FOXP1: variants seen among roughly 807,000 people sequenced by gnomAD.
FOXP1 encodes the protein forkhead box protein P1.
FOXP1 carries 15 observed loss-of-function variants against 98.2 expected under a neutral mutation model. That is an observed-to-expected ratio of 0.15 (90% CI 0.10 to 0.24). The LOEUF is 0.24. FOXP1 is among the 10% of genes least tolerant of loss of function. FOXP1 has a pLI of 1.00. For synonymous variants in FOXP1, 371 were observed against 314.5 expected, an observed-to-expected ratio of 1.18 and a Z score of -1.90; for missense variants, 633 against 848.5, an observed-to-expected ratio of 0.75 and a Z score of 3.15.
rs73117199 is a variant in FOXP1 at position 71,377,788 on chromosome 3, G to A, written c.-167-18544C>T. On this transcript the variant is annotated intron_variant, in intron 3 of 20. Coordinates refer to ENST00000649528, the MANE Select transcript of FOXP1 (RefSeq NM_001349338.3). ...AGAACATCTTTTGAGCTGGTAACAC[G>A]AAGACATTATTTTTCACGTTACATT... 3.8e-3 allele frequency among the ~76,000 whole-genome samples: 579 copies of A among 152,208 alleles called. 2 individuals carry two copies. The highest frequency in any genetic ancestry group is 5.4e-3 in the Non-Finnish European group (368 of 68,014).
At chr3:71,272,988 T>G (rs2070528861) in intron 5 of FOXP1, among the ~76,000 whole-genome samples, 1 of 152,166 alleles carries the variant, frequency 6.6e-6, no homozygotes, top group Non-Finnish European at 1.5e-5. Context: ...CAGTAGAGCC[T>G]CCTAACTTCT....
chr3:70,965,760 C>A, intron 20 of FOXP1, 130 bp downstream of exon 20: 2 of 962,604 alleles, frequency 2.1e-6, no homozygotes, highest in South Asian at 2.7e-5. Flanking sequence ...GTACAAACTT[C>A]TAGCTTGGTT....
intron 7 of FOXP1, among the ~76,000 whole-genome samples, chr3:71,096,928 A>G (rs77290856): frequency 1.3e-5 from 2 of 152,170 alleles, no homozygotes; most frequent in South Asian, 2.1e-4. Context: ...ATAGATTTCA[A>G]ACTAACACAA....
intron 2 of FOXP1, among the ~76,000 whole-genome samples, chr3:71,530,080 G>C (rs1204229426): frequency 6.6e-6 from 1 of 152,164 alleles, no homozygotes; most frequent in Non-Finnish European, 1.5e-5. Flanking sequence ...GAACTGAATT[G>C]AATGACAGGA....
At chr3:70,988,438 C>A (rs2040105192) in intron 13 of FOXP1, among the ~76,000 whole-genome samples, 1 of 152,206 alleles carries the variant, frequency 6.6e-6, no homozygotes, top group East Asian at 1.9e-4. Context: ...CCCATAAATT[C>A]ATCTGTTGTG....
chr3:71,199,842 C>T (rs1209778779), intron 5 of FOXP1, among the ~76,000 whole-genome samples: 3 of 151,598 alleles, frequency 2.0e-5, no homozygotes, highest in African/African-American at 4.8e-5. Context: ...CTTTGGGAGG[C>T]CGAGGCGGGT....
intron 2 of FOXP1, among the ~76,000 whole-genome samples, chr3:71,518,019 C>T (rs1258349327): frequency 6.6e-6 from 1 of 152,182 alleles, no homozygotes; most frequent in Non-Finnish European, 1.5e-5. Flanking sequence ...TCCAATGGAA[C>T]ATTAGAGTAA....
At chr3:71,143,134 G>A (rs1480369508) in intron 6 of FOXP1, among the ~76,000 whole-genome samples, 2 of 152,266 alleles carry the variant, frequency 1.3e-5, no homozygotes, top group East Asian at 3.9e-4. Context: ...AACACTAAGT[G>A]AAAACAGTTT....
At chr3:71,476,918 G>A (rs1436627901) in intron 3 of FOXP1, among the ~76,000 whole-genome samples, 1 of 152,140 alleles carries the variant, frequency 6.6e-6, no homozygotes, top group East Asian at 1.9e-4. Flanking sequence ...AGAACCTTAA[G>A]CTTTAATAAT....
intron 5 of FOXP1, among the ~76,000 whole-genome samples, chr3:71,224,233 T>A (rs73839453): frequency 0.014 from 2,074 of 152,236 alleles, 40 homozygotes; most frequent in African/African-American, 0.047. Context: ...GATGAGCCCA[T>A]GAGGGATTGC....
chr3:71,311,274 G>A (rs1221231137), intron 4 of FOXP1, among the ~76,000 whole-genome samples: 1 of 152,088 alleles, frequency 6.6e-6, no homozygotes, highest in African/African-American at 2.4e-5. Flanking sequence ...ATTTTTTGTA[G>A]GGACAAGGTC....
At chr3:71,265,768 A>AT (rs2069583191) in intron 5 of FOXP1, among the ~76,000 whole-genome samples, 2 of 152,198 alleles carry the variant, frequency 1.3e-5, no homozygotes, top group Non-Finnish European at 2.9e-5. Context: ...AAAAGAACTG[A>AT]TAAGAGTATG....
intron 11 of FOXP1, among the ~76,000 whole-genome samples, chr3:71,037,820 A>C (rs889891887): frequency 2.6e-5 from 4 of 152,200 alleles, no homozygotes; most frequent in Admixed American, 2.6e-4. Flanking sequence ...CGCCTCACAA[A>C]TCACATGGGC....
intron 2 of FOXP1, chr3:71,541,912 C>T (rs1008384045): frequency 4.0e-6 from 2 of 500,390 alleles, no homozygotes; most frequent in South Asian, 3.0e-5. Context: ...AGTCAACACT[C>T]GAGGTTTGAC....
chr3:71,576,193 C>T lies in FOXP1; in HGVS notation c.-298+5356G>A, dbSNP rs555587936. 1.9e-4 allele frequency among the ~76,000 whole-genome samples: 29 copies of T among 152,230 alleles called. No individual in the cohort carries two copies. The South Asian group carries it at 6.0e-3, about 32-fold the overall frequency. On this transcript the variant is annotated intron_variant, in intron 2 of 20. Coordinates refer to ENST00000649528, the MANE Select transcript of FOXP1 (RefSeq NM_001349338.3). Reference sequence around the variant, plus strand: ...AACAGAATGACATGGGCTTTCTATTCAATGATCCCATTTCAGCTATTTATC... The same window carrying T: ...AACAGAATGACATGGGCTTTCTATTTAATGATCCCATTTCAGCTATTTATC...
At chr3:71,562,756 A>G (rs2046633613) in intron 2 of FOXP1, among the ~76,000 whole-genome samples, 1 of 152,176 alleles carries the variant, frequency 6.6e-6, no homozygotes. Context: ...GAGATGATAC[A>G]TGTCAGGAAT....
intron 2 of FOXP1, among the ~76,000 whole-genome samples, chr3:71,548,770 C>A (rs575000357): frequency 1.3e-5 from 2 of 151,596 alleles, no homozygotes; most frequent in East Asian, 1.9e-4. Context: ...CTTTACCCCC[C>A]CAAAAGAAAT....
chr3:71,091,992 A>C (rs2055908211), intron 7 of FOXP1, among the ~76,000 whole-genome samples: 1 of 152,120 alleles, frequency 6.6e-6, no homozygotes, highest in Non-Finnish European at 1.5e-5. Flanking sequence ...GTTTGAGACC[A>C]GCCTGGCCAA....
At chr3:71,013,950 G>T (rs942906613) in intron 12 of FOXP1, among the ~76,000 whole-genome samples, 60 of 152,016 alleles carry the variant, frequency 3.9e-4, no homozygotes, top group South Asian at 8.3e-4. Context: ...TAGCCATATG[G>T]AGAAAGCTGA....
Sources: gnomAD v4.1 joint callset for allele counts (sites outside exome capture counted in the v4.1 genomes callset) on GRCh38, gnomAD v4.1.1 for gene constraint, MANE v1.5 for transcripts, NCBI Gene and HGNC (gene_info 2026-07-23, HGNC 2026-07-21) for gene names.